MAF: variants seen among roughly 807,000 people sequenced by gnomAD.
MAF encodes the protein MAF bZIP transcription factor, also known as transcription factor Maf.
In MAF, 10 loss-of-function variants were observed where a neutral mutation model predicts 22.0. That is an observed-to-expected ratio of 0.45 (90% CI 0.28 to 0.77). The LOEUF is 0.77. Ranked by LOEUF, MAF falls within the 30% of genes least tolerant of loss-of-function variation. The pLI is 0.12. For missense variants in MAF, 544 were observed against 548.4 expected, an observed-to-expected ratio of 0.99 and a Z score of 0.08; for synonymous variants, 337 against 255.8, an observed-to-expected ratio of 1.32 and a Z score of -3.03.
the MAF span, among the ~76,000 whole-genome samples, chr16:79,313,477 G>T: frequency 6.6e-6 from 1 of 152,126 alleles, no homozygotes; most frequent in African/African-American, 2.4e-5. Flanking sequence ...CAGTAAAGCA[G>T]ATCTGTAAAA....
chr16:79,273,431 C>G, the MAF span, among the ~76,000 whole-genome samples: 1 of 152,234 alleles, frequency 6.6e-6, no homozygotes, highest in Non-Finnish European at 1.5e-5. Flanking sequence ...CAAATTACCA[C>G]AAACTTGGTG....
chr16:79,387,551 G>A, the MAF span, among the ~76,000 whole-genome samples: 1 of 152,138 alleles, frequency 6.6e-6, no homozygotes, highest in South Asian at 2.1e-4. Context: ...GTAAGGCAAT[G>A]GCGACCAGTG....
At chr16:79,344,213 A>G in the MAF span, among the ~76,000 whole-genome samples, 1 of 152,184 alleles carries the variant, frequency 6.6e-6, no homozygotes, top group African/African-American at 2.4e-5. Flanking sequence ...AGGAGTTAGG[A>G]GTCCTTCTAT....
chr16:79,308,443 G>A, the MAF span, among the ~76,000 whole-genome samples: 14 of 152,104 alleles, frequency 9.2e-5, no homozygotes, highest in South Asian at 6.2e-4. Context: ...TAACCTCAAT[G>A]AGCCTCTGCT....
the MAF span, among the ~76,000 whole-genome samples, chr16:79,440,973 G>C: frequency 1.8e-3 from 269 of 152,276 alleles, 2 homozygotes; most frequent in African/African-American, 6.1e-3. Context: ...TTGCTATTAT[G>C]CGGTGATGTG....
At chr16:79,260,507 A>ATC in the MAF span, among the ~76,000 whole-genome samples, 21 of 150,730 alleles carry the variant, frequency 1.4e-4, no homozygotes, top group African/African-American at 3.2e-4. Context: ...CTATATCTAT[A>ATC]TATTTGTCTG....
chr16:79,562,831 G>C, the MAF span, among the ~76,000 whole-genome samples: 5 of 152,190 alleles, frequency 3.3e-5, no homozygotes, highest in African/African-American at 1.2e-4. Flanking sequence ...CTGGTTATGA[G>C]ACCGTCATAC....
chr16:79,571,132 C>T, the MAF span, among the ~76,000 whole-genome samples: 2 of 151,656 alleles, frequency 1.3e-5, no homozygotes, highest in East Asian at 1.9e-4. Context: ...AAAAAGTGAT[C>T]CTTTGCTACA....
At chr16:79,269,381 C>A in the MAF span, among the ~76,000 whole-genome samples, 5 of 152,114 alleles carry the variant, frequency 3.3e-5, no homozygotes, top group Admixed American at 3.3e-4. Flanking sequence ...CAGGTGTCAC[C>A]ATGGCCGTGA....
At chr16:79,511,034 C>G in the MAF span, among the ~76,000 whole-genome samples, 1 of 152,230 alleles carries the variant, frequency 6.6e-6, no homozygotes, top group African/African-American at 2.4e-5. Context: ...GTCAACCCCA[C>G]TGCAGCGGCA....
At chr16:79,259,710 G>T in the MAF span, among the ~76,000 whole-genome samples, 2 of 152,162 alleles carry the variant, frequency 1.3e-5, no homozygotes, top group African/African-American at 2.4e-5. Context: ...GGGTACAGGG[G>T]GCAGGACTGC....
At chr16:79,571,405 T>G in the MAF span, among the ~76,000 whole-genome samples, 4 of 151,940 alleles carry the variant, frequency 2.6e-5, no homozygotes, top group Non-Finnish European at 5.9e-5. Context: ...TCATGCCAAA[T>G]CCCTAAATTT....
the MAF span, among the ~76,000 whole-genome samples, chr16:79,249,489 G>T: frequency 1.3e-5 from 2 of 150,938 alleles, no homozygotes; most frequent in Non-Finnish European, 2.9e-5. Flanking sequence ...GCCAGAGAAA[G>T]ATCCATCTTT....
chr16:79,594,835 A>G, intron 1 of MAF: 1 of 1,237,790 alleles, frequency 8.1e-7, no homozygotes. Context: ...CTCAAACCTC[A>G]TTTTTGCCAG....
chr16:79,429,399 C>T, the MAF span, among the ~76,000 whole-genome samples: 17 of 152,188 alleles, frequency 1.1e-4, no homozygotes, highest in Non-Finnish European at 2.5e-4. Context: ...CTCTCTGCTT[C>T]ATCTACGCAG....
the MAF span, among the ~76,000 whole-genome samples, chr16:79,534,866 T>C: frequency 2.6e-5 from 4 of 152,168 alleles, no homozygotes; most frequent in African/African-American, 9.7e-5. Flanking sequence ...CAAAATTTGA[T>C]CCCAGGTTCC....
the MAF span, among the ~76,000 whole-genome samples, chr16:79,253,255 A>G: frequency 1.3e-5 from 2 of 152,120 alleles, no homozygotes; most frequent in Admixed American, 1.3e-4. Context: ...TCAGACTCAC[A>G]AAAGTATGCC....
At chr16:79,443,972 T>C in the MAF span, among the ~76,000 whole-genome samples, 1 of 151,976 alleles carries the variant, frequency 6.6e-6, no homozygotes, top group Non-Finnish European at 1.5e-5. Flanking sequence ...ACCAAACAAC[T>C]AAAATGTCTA....
the MAF span, among the ~76,000 whole-genome samples, chr16:79,574,861 T>C: frequency 1.3e-5 from 2 of 152,104 alleles, no homozygotes; most frequent in Non-Finnish European, 2.9e-5. Flanking sequence ...CCCTTTCCAT[T>C]TTAAACTGGA....
Sources: gnomAD v4.1 joint callset for allele counts (sites outside exome capture counted in the v4.1 genomes callset) on GRCh38, gnomAD v4.1.1 for gene constraint, MANE v1.5 for transcripts, NCBI Gene and HGNC (gene_info 2026-07-23, HGNC 2026-07-21) for gene names.